Variants in NWD2 observed in about 807,000 individuals in gnomAD.
NWD2 encodes NACHT and WD repeat domain-containing protein 2.
Under a neutral mutation model 132.7 loss-of-function variants are expected in NWD2, and 37 were observed. The observed-to-expected ratio is 0.28, with a 90% confidence interval of 0.21 to 0.37. NWD2 has a LOEUF of 0.37. NWD2 is among the 10% of genes least tolerant of loss of function. NWD2 has a pLI of 1.00. For synonymous variants in NWD2, 705 were observed against 803.0 expected, an observed-to-expected ratio of 0.88 and a Z score of 2.06; for missense variants, 1,592 against 2,122.4, an observed-to-expected ratio of 0.75 and a Z score of 4.91.
At chr4:37,249,484 G>C (rs1717309911) in intron 1 of NWD2, among the ~76,000 whole-genome samples, 1 of 152,216 alleles carries the variant, frequency 6.6e-6, no homozygotes, top group Admixed American at 6.5e-5. Flanking sequence ...CTCGTGGACA[G>C]AGTAGATCCC....
At chr4:37,419,584 A>C (rs1711744729) in intron 3 of NWD2, among the ~76,000 whole-genome samples, 1 of 152,220 alleles carries the variant, frequency 6.6e-6, no homozygotes. Flanking sequence ...AAAGTGGGCA[A>C]AGGATATAAA....
chr4:37,300,393 A>G (rs1421296253), intron 1 of NWD2, among the ~76,000 whole-genome samples: 2 of 152,102 alleles, frequency 1.3e-5, no homozygotes, highest in African/African-American at 4.8e-5. Flanking sequence ...TAAAGTTCCA[A>G]TTATATATTA....
chr4:37,319,558 TC>T (rs1213167747), intron 1 of NWD2, among the ~76,000 whole-genome samples: 11 of 152,180 alleles, frequency 7.2e-5, no homozygotes, highest in African/African-American at 2.7e-4. Flanking sequence ...ATGCAAATGT[TC>T]AGAATGGTTT....
intron 1 of NWD2, among the ~76,000 whole-genome samples, chr4:37,310,849 G>C (rs1195191764): frequency 7.5e-6 from 1 of 134,160 alleles, no homozygotes. Flanking sequence ...TGTTCTCATT[G>C]TTCAATTCCC....
intron 2 of NWD2, among the ~76,000 whole-genome samples, chr4:37,353,822 C>A (rs1421998413): frequency 6.6e-6 from 1 of 151,882 alleles, no homozygotes; most frequent in Non-Finnish European, 1.5e-5. Flanking sequence ...TTTGTTATTA[C>A]CCATCTTCCG....
At position 37,444,679 on chromosome 4, in the gene NWD2, C is replaced by T. The variant is rs1351706880; in HGVS notation, c.2691C>T (p.Arg897=). 2 of 1,552,242 alleles carry T rather than the reference C, an allele frequency of 1.3e-6. No individual in the cohort carries two copies. The highest frequency in any genetic ancestry group is 3.9e-5 in the Admixed American group (2 of 51,006). ...TGAAGTTCCTGGCCAACACCCTCCG[C>T]AGCATCAAAAACAAGGTCACTGCAT... ...KELKFLANTL[R]SIKNKVTAFP... is the part of the protein sequence containing the mutation. The change falls in exon 7 of 7, where the codon CGC becomes CGT. Residue 897 remains arginine, a synonymous_variant. Transcript: ENST00000309447. The surrounding 1 kb of genome is among the most constrained non-coding windows in gnomAD (Gnocchi z 4.8).
intron 1 of NWD2, among the ~76,000 whole-genome samples, chr4:37,291,828 A>G (rs945875208): frequency 4.6e-5 from 7 of 152,200 alleles, no homozygotes; most frequent in African/African-American, 1.7e-4. Context: ...TAATCAAAAT[A>G]TTTAAACTTA....
chr4:37,354,278 T>C (rs2170043), intron 2 of NWD2, among the ~76,000 whole-genome samples: 146,996 of 152,184 alleles, frequency 0.97, 71,214 homozygotes, highest in East Asian at 1. Flanking sequence ...AGATGTCTGT[T>C]GACCCATGCT....
chr4:37,428,540 T>C (rs982379797), intron 3 of NWD2, among the ~76,000 whole-genome samples: 2 of 152,220 alleles, frequency 1.3e-5, no homozygotes, highest in African/African-American at 4.8e-5. Context: ...CTGGAGGACT[T>C]GCTAAAACAT....
chr4:37,289,651 T>G (rs549662607), intron 1 of NWD2, among the ~76,000 whole-genome samples: 1 of 152,334 alleles, frequency 6.6e-6, no homozygotes, highest in Admixed American at 6.5e-5. Context: ...ATTTGTCTTT[T>G]GAGGTAAAAT....
chr4:37,335,282 C>G (rs1240356724), intron 2 of NWD2, among the ~76,000 whole-genome samples: 1 of 96,166 alleles, frequency 1.0e-5, no homozygotes, highest in Non-Finnish European at 2.1e-5. Flanking sequence ...CCACTGTGCC[C>G]TCTGACTGGG....
intron 3 of NWD2, among the ~76,000 whole-genome samples, chr4:37,394,806 T>TTGTTTTGTTTTG (rs1553897363): frequency 2.0e-4 from 20 of 100,538 alleles, no homozygotes; most frequent in South Asian, 4.0e-4. Flanking sequence ...ATGGTTTTTT[T>TTGTTTTGTTTTG]TTTTTTTTTT....
At chr4:37,363,464 C>G (rs1720023262) in intron 3 of NWD2, among the ~76,000 whole-genome samples, 1 of 152,146 alleles carries the variant, frequency 6.6e-6, no homozygotes, top group African/African-American at 2.4e-5. Context: ...CATAGAAAAG[C>G]AAGAAATTAT....
intron 3 of NWD2, among the ~76,000 whole-genome samples, chr4:37,394,026 T>C (rs1577688996): frequency 6.6e-6 from 1 of 152,326 alleles, no homozygotes; most frequent in Middle Eastern, 3.4e-3. Context: ...AAGAGAAACC[T>C]GCAGTGGGAA....
chr4:37,398,075 A>G (rs1720834176), intron 3 of NWD2, among the ~76,000 whole-genome samples: 1 of 152,216 alleles, frequency 6.6e-6, no homozygotes, highest in African/African-American at 2.4e-5. Context: ...GATAACATTT[A>G]CCAAATACTT....
intron 1 of NWD2, among the ~76,000 whole-genome samples, chr4:37,270,713 A>G (rs985544827): frequency 4.6e-5 from 7 of 151,942 alleles, no homozygotes; most frequent in African/African-American, 1.7e-4. Context: ...AGTCTGGTAC[A>G]TATCCCTTTT....
At chr4:37,408,655 C>T (rs1016878319) in intron 3 of NWD2, among the ~76,000 whole-genome samples, 2 of 152,198 alleles carry the variant, frequency 1.3e-5, no homozygotes, top group African/African-American at 4.8e-5. Context: ...CAGCAGACCT[C>T]CCAGCACAGC....
intron 1 of NWD2, among the ~76,000 whole-genome samples, chr4:37,258,705 A>G (rs1356744137): frequency 6.6e-6 from 1 of 152,224 alleles, no homozygotes; most frequent in Non-Finnish European, 1.5e-5. Flanking sequence ...GGTTTCCTGA[A>G]TGTAGCCAGT....
At chr4:37,420,647 C>G (rs1711781522) in intron 3 of NWD2, among the ~76,000 whole-genome samples, 1 of 152,138 alleles carries the variant, frequency 6.6e-6, no homozygotes, top group Non-Finnish European at 1.5e-5. Flanking sequence ...CGCACCACTG[C>G]CAGTCCAGTC....
Sources: gnomAD v4.1 joint callset for allele counts (sites outside exome capture counted in the v4.1 genomes callset) on GRCh38, gnomAD v4.1.1 for gene constraint, Gnocchi (gnomAD v3.1) non-coding constraint, MANE v1.5 for transcripts, NCBI Gene and HGNC (gene_info 2026-07-23, HGNC 2026-07-21) for gene names.